CCDC7: variants seen among roughly 807,000 people sequenced by gnomAD.
The protein encoded by CCDC7 is coiled-coil domain-containing protein 7.
Under a neutral mutation model 196.9 loss-of-function variants are expected in CCDC7, and 183 were observed. The observed-to-expected ratio is 0.93, with a 90% CI of 0.82 to 1.05. The LOEUF is 1.05. Among genes scored for constraint, CCDC7 ranks in the 50% least tolerant of loss-of-function variants. The pLI is 0.00. For missense variants in CCDC7, 1,540 were observed against 1,482.2 expected (o/e 1.04, Z -0.64); for synonymous variants, 525 against 484.6 (o/e 1.08, Z -1.10).
chr10:32,630,924 G>A (rs187522452), intron 18 of CCDC7, among the ~76,000 whole-genome samples: 34 of 152,270 alleles, frequency 2.2e-4, no homozygotes, highest in Admixed American at 2.2e-3. Context: ...TTCATTAATA[G>A]AATGGGTAGA....
intron 11 of CCDC7, among the ~76,000 whole-genome samples, chr10:32,541,859 C>T (rs2136116431): frequency 6.6e-6 from 1 of 152,336 alleles, no homozygotes; most frequent in Non-Finnish European, 1.5e-5. Context: ...CCTAGGGGCT[C>T]TCACCCTTTC....
At chr10:32,852,491 T>A (rs989277816) in intron 40 of CCDC7, among the ~76,000 whole-genome samples, 5 of 152,206 alleles carry the variant, frequency 3.3e-5, no homozygotes, top group Non-Finnish European at 4.4e-5. Context: ...GAATTTTTTT[T>A]ATTTTTTTAT....
At chr10:32,642,473 T>C (rs2067008959) in intron 20 of CCDC7, among the ~76,000 whole-genome samples, 1 of 152,208 alleles carries the variant, frequency 6.6e-6, no homozygotes, top group Non-Finnish European at 1.5e-5. Context: ...AATCTCCTGG[T>C]GTGCTGTTTG....
chr10:32,598,391 G>A (rs2060640931), intron 18 of CCDC7, among the ~76,000 whole-genome samples: 1 of 152,134 alleles, frequency 6.6e-6, no homozygotes, highest in African/African-American at 2.4e-5. Flanking sequence ...TGATTTTCCA[G>A]GTACCATCTG....
intron 28 of CCDC7, among the ~76,000 whole-genome samples, chr10:32,766,629 C>T (rs1211992646): frequency 6.6e-6 from 1 of 151,960 alleles, no homozygotes; most frequent in Admixed American, 6.6e-5. Context: ...AAACTGAACA[C>T]TTAACCATGG....
intron 11 of CCDC7, among the ~76,000 whole-genome samples, chr10:32,520,036 G>A (rs951003029): frequency 1.7e-4 from 26 of 152,034 alleles, no homozygotes; most frequent in African/African-American, 4.3e-4. Flanking sequence ...CTATGTTGTT[G>A]CAAATGACAC....
At chr10:32,585,978 T>G (rs2059229522) in intron 18 of CCDC7, among the ~76,000 whole-genome samples, 1 of 152,212 alleles carries the variant, frequency 6.6e-6, no homozygotes, top group Non-Finnish European at 1.5e-5. Context: ...TGAACTAGTT[T>G]ACACTCCCAC....
rs145137211 is a variant in CCDC7, at chr10:32,854,780, T to C, written c.4111+291T>C. On this transcript the variant is annotated intron_variant, in intron 41 of 41. Coordinates refer to ENST00000639629, the Ensembl canonical transcript of CCDC7. ...CACATTTTTAAGCTACTGCATGATA[T>C]TCTATGATGTGAATGCATCCTAATT... 3.3e-5 allele frequency among the ~76,000 whole-genome samples: 5 copies of C among 152,348 alleles called. No individual in the cohort carries two copies. In the East Asian group the frequency reaches 5.8e-4, roughly 18 times the overall value.
rs534069980 is a variant in CCDC7, at chr10:32,478,676, C to A, written c.796+4653C>A. 5.3e-5 allele frequency among the ~76,000 whole-genome samples: 8 copies of A among 152,140 alleles called. No individual in the cohort carries two copies. In the East Asian group the frequency reaches 1.5e-3, roughly 29 times the overall value. ...ACCCATTTGGTTGTGTTGTATAGTT[C>A]TTTCTATACATTTATGTATGTGATT... On this transcript the variant is annotated intron_variant, in intron 8 of 41. Coordinates refer to ENST00000639629, the Ensembl canonical transcript of CCDC7.
intron 9 of CCDC7, among the ~76,000 whole-genome samples, chr10:32,514,906 C>T (rs1055156591): frequency 6.6e-6 from 1 of 152,200 alleles, no homozygotes; most frequent in Non-Finnish European, 1.5e-5. Context: ...CTCACTTCAG[C>T]TGCTAACTCC....
At chr10:32,652,145 G>A (rs1177371461) in intron 20 of CCDC7, among the ~76,000 whole-genome samples, 1 of 151,966 alleles carries the variant, frequency 6.6e-6, no homozygotes, top group Non-Finnish European at 1.5e-5. Flanking sequence ...GTTGTATTGA[G>A]CCCTTTATCA....
chr10:32,845,876 A>G (rs1012930757), exon 36 of CCDC7: 2 of 1,603,414 alleles, frequency 1.2e-6, no homozygotes, highest in Admixed American at 1.7e-5. Context: ...ATTTCAATAG[A>G]GACTGATAAG....
intron 21 of CCDC7, among the ~76,000 whole-genome samples, chr10:32,672,473 A>G (rs1193563101): frequency 6.6e-6 from 1 of 152,102 alleles, no homozygotes; most frequent in African/African-American, 2.4e-5. Context: ...CAGAGTGGCT[A>G]TGTTTTGGGT....
At chr10:32,445,863 G>C (rs992251116), upstream of CCDC7, among the ~76,000 whole-genome samples, 6 of 152,210 alleles carry the variant, frequency 3.9e-5, no homozygotes, top group African/African-American at 1.4e-4. Flanking sequence ...GGTTCTCAAA[G>C]GTCCTACCAG....
chr10:32,445,346 T>C (rs2030706225), upstream of CCDC7, among the ~76,000 whole-genome samples: 1 of 152,190 alleles, frequency 6.6e-6, no homozygotes, highest in Admixed American at 6.5e-5. Context: ...CAGATTTTAC[T>C]GGAAAATTAG....
At chr10:32,661,970 ATT>A (rs2071565889) in intron 20 of CCDC7, among the ~76,000 whole-genome samples, 1 of 151,990 alleles carries the variant, frequency 6.6e-6, no homozygotes, top group Non-Finnish European at 1.5e-5. Context: ...TGTGGCCTAT[ATT>A]GCCTTTGAAG....
chr10:32,827,119 G>T (rs553182737), intron 32 of CCDC7, among the ~76,000 whole-genome samples: 1 of 152,284 alleles, frequency 6.6e-6, no homozygotes, highest in East Asian at 1.9e-4. Context: ...CCATTCTGTG[G>T]ACACCACTCA....
rs763390639 is a variant in CCDC7, at chr10:32,544,209, A to C, written c.1080-38A>C. On this transcript the variant is annotated intron_variant, in intron 12 of 41. Transcript: ENST00000639629. Reference sequence around the variant, plus strand: ...GAAAGCAAAGCAGTGATGCATTTAAAAATATCATGATGCATTTTAAAACAT... The same window carrying C: ...GAAAGCAAAGCAGTGATGCATTTAACAATATCATGATGCATTTTAAAACAT... 6 of 1,554,014 alleles carry C rather than the reference A, an allele frequency of 3.9e-6. No individual in the cohort carries two copies. The African/African-American group carries it at 8.2e-5, about 21-fold the overall frequency.
intron 20 of CCDC7, among the ~76,000 whole-genome samples, chr10:32,649,411 C>T (rs2068333106): frequency 6.6e-6 from 1 of 152,222 alleles, no homozygotes; most frequent in Non-Finnish European, 1.5e-5. Flanking sequence ...GGAATTCCTT[C>T]TCTAGGTGAC....
Sources: gnomAD v4.1 joint callset for allele counts (sites outside exome capture counted in the v4.1 genomes callset) on GRCh38, gnomAD v4.1.1 for gene constraint, MANE v1.5 for transcripts, NCBI Gene and HGNC (gene_info 2026-07-23, HGNC 2026-07-21) for gene names.